Variants in FBXL4 observed in about 807,000 individuals in gnomAD.
The protein encoded by FBXL4 is F-box and leucine rich repeat protein 4.
A neutral mutation model predicts 58.9 loss-of-function variants in FBXL4; 40 were observed. The ratio of observed to expected loss-of-function variants is 0.68; its 90% CI spans 0.53 to 0.88. The LOEUF (loss-of-function observed/expected upper bound fraction) is 0.88, where lower values mean the gene tolerates loss of function less well. Among genes scored for constraint, FBXL4 ranks in the 40% least tolerant of loss-of-function variants. The probability of loss-of-function intolerance (pLI) is 0.00; values close to 1 mark genes in which losing one functional copy is unlikely to be tolerated. For synonymous variants in FBXL4, 263 were observed against 265.5 expected, an observed-to-expected ratio of 0.99 and a Z score of 0.09; for missense variants, 676 against 734.4, an observed-to-expected ratio of 0.92 and a Z score of 0.92.
In FBXL4 at chr6:98,926,838, C is replaced by T. The variant is rs1382436369; in HGVS notation, c.151G>A (p.Val51Ile). 4 of 1,614,198 alleles carry T rather than the reference C, an allele frequency of 2.5e-6. No individual in the cohort carries two copies. The highest frequency in any genetic ancestry group is 1.1e-5 in the South Asian group (1 of 91,086). Reference sequence around the variant, plus strand: ...ACTACTTCTTTGGCATACTGGACTACCTCTGCATTGAGAGGGGAAGTCTGG... The same window carrying T: ...ACTACTTCTTTGGCATACTGGACTATCTCTGCATTGAGAGGGGAAGTCTGG... ...NSQTSPLNAE[V>I]VQYAKEVVDF... The change falls in exon 4 of 10, where the codon GTA becomes ATA. Residue 51 changes from valine (V) to isoleucine (I), a missense_variant. Physicochemically the swap from Val to Ile is conservative, Grantham distance 29. Coordinates refer to ENST00000369244, the MANE Select transcript of FBXL4 (RefSeq NM_001278716.2).
At chr6:98,915,365 A>C (rs1291583514) in intron 5 of FBXL4, among the ~76,000 whole-genome samples, 14 of 152,230 alleles carry the variant, frequency 9.2e-5, no homozygotes, top group Non-Finnish European at 2.1e-4. Flanking sequence ...TCACCAAGTC[A>C]ATCCTAAGCC....
chr6:98,916,961 A>G (rs1184110041), intron 5 of FBXL4, among the ~76,000 whole-genome samples: 1 of 152,104 alleles, frequency 6.6e-6, no homozygotes, highest in East Asian at 1.9e-4. Context: ...TACAGATTAA[A>G]CAGAATAAGC....
intron 5 of FBXL4, among the ~76,000 whole-genome samples, chr6:98,914,142 A>T (rs1772226191): frequency 6.6e-6 from 1 of 152,198 alleles, no homozygotes; most frequent in African/African-American, 2.4e-5. Context: ...TGAATAGACC[A>T]ATAACAGGAT....
intron 8 of FBXL4, among the ~76,000 whole-genome samples, chr6:98,875,975 C>T (rs1770648877): frequency 6.6e-6 from 1 of 152,126 alleles, no homozygotes; most frequent in African/African-American, 2.4e-5. Context: ...GAATTAAATC[C>T]CAAAGCAGTC....
At chr6:98,912,873 C>A (rs1772152320) in intron 5 of FBXL4, among the ~76,000 whole-genome samples, 1 of 151,986 alleles carries the variant, frequency 6.6e-6, no homozygotes, top group Admixed American at 6.6e-5. Context: ...TTAAAAGACA[C>A]AGACTGGCAA....
In FBXL4 at chr6:98,880,619, T is replaced by C. The variant is rs1180457526; in HGVS notation, c.1323A>G (p.Thr441=). The change falls in exon 8 of 10, where the codon ACA becomes ACG. Residue 441 remains threonine, a synonymous_variant. Coordinates refer to ENST00000369244, the MANE Select transcript of FBXL4 (RefSeq NM_001278716.2). ...LVLYRTKVEQ[T]ALLSILNFCS... is the part of the protein sequence containing the mutation. The stretch of plus-strand genomic sequence containing the variant: ...AGAAGTTCAAAATGCTGAGCAGTGC[T>C]GTTTGCTGCCATTAGGGACCACATC... The C allele has an allele frequency of 1.2e-6, 2 of 1,613,832 alleles. No homozygotes were observed. Among genetic ancestry groups the C allele is most frequent in the Non-Finnish European group, 1.7e-6 (2 of 1,179,808 alleles).
chr6:98,888,518 T>C (rs1771116097), intron 7 of FBXL4, among the ~76,000 whole-genome samples: 1 of 152,150 alleles, frequency 6.6e-6, no homozygotes, highest in African/African-American at 2.4e-5. Context: ...TATTCAGAAA[T>C]GAAAAGTGAA....
At position 98,874,282 on chromosome 6, in the gene FBXL4, T is replaced by A. The variant is rs1270762276; in HGVS notation, c.1862A>T (p.Gln621Leu). The A allele has an allele frequency of 6.3e-7, 1 of 1,581,584 alleles. No individual in the cohort carries two copies. The highest frequency in any genetic ancestry group is 8.5e-7 in the Non-Finnish European group (1 of 1,170,110). ...TAATACAGAACATATATTAAGTCAC[T>A]GAGTAAAGCTCTTTTTTATGAACAC... is the stretch of plus-strand genomic sequence containing the variant. The part of the protein sequence containing the change: ...PKVFIKKSFT[Q>L] Residue 621 changes from glutamine (Q) to leucine (L), a missense_variant, in exon 10 of 10, where the codon CAG (glutamine) becomes CTG (leucine). Physicochemically the swap from Gln to Leu is moderately radical, Grantham distance 113. Coordinates refer to ENST00000369244, the MANE Select transcript of FBXL4 (RefSeq NM_001278716.2).
chr6:98,925,241 T>A (rs762303126), intron 4 of FBXL4, among the ~76,000 whole-genome samples: 4 of 152,222 alleles, frequency 2.6e-5, no homozygotes, highest in Non-Finnish European at 5.9e-5. Flanking sequence ...TATTGAAATT[T>A]ATAAACATAC....
chr6:98,931,843 T>C (rs1288983855), intron 2 of FBXL4, among the ~76,000 whole-genome samples: 1 of 152,204 alleles, frequency 6.6e-6, no homozygotes, highest in East Asian at 1.9e-4. Flanking sequence ...AATGGAGCCA[T>C]TGTCTCAGGA....
rs372735676 is a variant in FBXL4, at chr6:98,926,944, A to C, written c.45T>G (p.Tyr15Ter). The C allele has an allele frequency of 1.9e-6, 3 of 1,614,178 alleles. No homozygotes were observed. The highest frequency in any genetic ancestry group is 1.7e-6 in the Non-Finnish European group (2 of 1,180,030). The change falls in exon 4 of 10, where the codon TAT becomes TAG. Residue 15 changes from tyrosine to a stop codon, truncating the protein, a stop_gained. Transcript: ENST00000369244. LOFTEE classifies it high-confidence loss of function. ...FPMLTVLTMFYYICLRRRART... is the reference protein window; with the variant it reads ...FPMLTVLTMF ...TGGCTCGGCGCCGAAGGCATATATA[A>C]TAAAACATGGTCAGAACTGTTAACA...
intron 7 of FBXL4, chr6:98,898,712 G>C (rs2128388865): frequency 1.0e-6 from 1 of 984,222 alleles, no homozygotes; most frequent in Non-Finnish European, 1.2e-6. Context: ...ATGTTAAATA[G>C]ATTATGGTAT....
Position 98,876,368 on chromosome 6 carries a change from T to G in FBXL4, c.1390-641A>C, listed in dbSNP as rs550172973. Among the ~76,000 whole-genome samples, 6 of 152,330 alleles carry G rather than the reference T, an allele frequency of 3.9e-5. No individual in the cohort carries two copies. The East Asian group carries it at 1.2e-3, about 29-fold the overall frequency. ...GATTAAACATTTCAGTTATTGGGCTTTACATGCTTTAATAATGTTTCTTTA... is the reference window on the plus strand; with the variant it reads ...GATTAAACATTTCAGTTATTGGGCTGTACATGCTTTAATAATGTTTCTTTA... On this transcript the variant is annotated intron_variant, in intron 8 of 9. Transcript: ENST00000369244.
At chr6:98,936,270 G>A (rs970652673) in intron 1 of FBXL4, among the ~76,000 whole-genome samples, 1 of 152,158 alleles carries the variant, frequency 6.6e-6, no homozygotes, top group Admixed American at 6.5e-5. Flanking sequence ...TCAAGATACA[G>A]AATATTACCA....
intron 5 of FBXL4, 25 bp downstream of exon 5, chr6:98,917,348 AC>A: frequency 1.3e-6 from 2 of 1,489,478 alleles, no homozygotes; most frequent in Non-Finnish European, 1.8e-6. Flanking sequence ...TATATCCAAT[AC>A]TGCTGCTAAA....
intron 8 of FBXL4, among the ~76,000 whole-genome samples, chr6:98,878,449 C>T (rs1391531590): frequency 6.6e-6 from 1 of 151,964 alleles, no homozygotes; most frequent in Non-Finnish European, 1.5e-5. Flanking sequence ...TCAAGCAATC[C>T]TCCTACATCA....
At chr6:98,893,842 GT>G (rs1490395299) in intron 7 of FBXL4, among the ~76,000 whole-genome samples, 2 of 151,434 alleles carry the variant, frequency 1.3e-5, no homozygotes, top group Admixed American at 6.6e-5. Flanking sequence ...CAAAATAAAA[GT>G]TTTTTTCAAG....
At chr6:98,879,615 G>C (rs1582365766) in intron 8 of FBXL4, among the ~76,000 whole-genome samples, 1 of 152,038 alleles carries the variant, frequency 6.6e-6, no homozygotes, top group East Asian at 1.9e-4. Context: ...GGGCGCAGTG[G>C]CTCACACCTG....
At position 98,882,730 on chromosome 6, in the gene FBXL4, T is replaced by C. The variant is rs116631229; in HGVS notation, c.1318-2106A>G. ...TTATTATGACTTGGTGTTTAAAACA[T>C]GCTTGAAAATATACAATTTTACTAT... On this transcript the variant is annotated intron_variant, in intron 7 of 9. Transcript: ENST00000369244. Among the ~76,000 whole-genome samples, 275 of 152,210 alleles carry C rather than the reference T, an allele frequency of 1.8e-3. 2 individuals are homozygous for C. The highest frequency in any genetic ancestry group is 6.5e-3 in the African/African-American group (269 of 41,576).
Sources: allele counts gnomAD v4.1 joint callset (sites outside exome capture counted in the v4.1 genomes callset), GRCh38; gene constraint gnomAD v4.1.1; transcripts MANE v1.5; gene names NCBI Gene and HGNC (gene_info 2026-07-23, HGNC 2026-07-21).